Variants in MMP16 observed in about 807,000 individuals in gnomAD.
MMP16 encodes the protein matrix metallopeptidase 16, also known as matrix metalloproteinase-16.
In MMP16, 12 loss-of-function variants were observed where a neutral mutation model predicts 67.8. The observed-to-expected ratio is 0.18, with a 90% CI of 0.11 to 0.29. The LOEUF is 0.29. Among genes scored for constraint, MMP16 ranks in the 10% least tolerant of loss-of-function variants. The pLI is 1.00. For missense variants in MMP16, 475 were observed against 765.7 expected, an observed-to-expected ratio of 0.62 and a Z score of 4.48; for synonymous variants, 249 against 255.9, an observed-to-expected ratio of 0.97 and a Z score of 0.26.
At chr8:88,243,991 T>G (rs1393370053) in intron 1 of MMP16, among the ~76,000 whole-genome samples, 2 of 152,294 alleles carry the variant, frequency 1.3e-5, no homozygotes, top group Admixed American at 1.3e-4. Flanking sequence ...GTAAATCAGT[T>G]ACTGGAATTG....
chr8:88,172,074 C>T (rs546895978), intron 3 of MMP16, among the ~76,000 whole-genome samples: 47 of 152,246 alleles, frequency 3.1e-4, no homozygotes, highest in Non-Finnish European at 5.0e-4. Flanking sequence ...TCGCCTTGGC[C>T]TCCAAAGTGC....
chr8:88,302,549 A>G (rs1202108299), intron 1 of MMP16, among the ~76,000 whole-genome samples: 2 of 152,204 alleles, frequency 1.3e-5, no homozygotes, highest in Admixed American at 1.3e-4. Context: ...ATCACACTTT[A>G]ATCCTAATTT....
chr8:88,092,176 A>C (rs1257393199), intron 6 of MMP16, among the ~76,000 whole-genome samples: 1 of 151,898 alleles, frequency 6.6e-6, no homozygotes, highest in African/African-American at 2.4e-5. Flanking sequence ...TGGTGTAGTC[A>C]GCTGAAATGC....
chr8:88,238,649 G>A (rs1809984221), intron 1 of MMP16, among the ~76,000 whole-genome samples: 1 of 130,620 alleles, frequency 7.7e-6, no homozygotes, highest in African/African-American at 2.9e-5. Context: ...CTGGGCAACT[G>A]TGCAAGACTC....
At position 88,071,137 on chromosome 8, in the gene MMP16, T is replaced by G. The variant is rs573652354; in HGVS notation, c.1222+3468A>C. Among the ~76,000 whole-genome samples the G allele has an allele frequency of 3.9e-5, 6 of 152,212 alleles. No individual in the cohort carries two copies. In the East Asian group the frequency reaches 9.7e-4, roughly 24 times the overall value. ...GCCCTAGTTCAAAAAATATCTAAAT[T>G]ACACCAAAATATAAATTTTTAATTG... On this transcript the variant is annotated intron_variant, in intron 7 of 9. Coordinates refer to ENST00000286614, the MANE Select transcript of MMP16 (RefSeq NM_005941.5).
chr8:88,142,516 G>A (rs1415656832), intron 4 of MMP16, among the ~76,000 whole-genome samples: 15 of 151,760 alleles, frequency 9.9e-5, no homozygotes, highest in Non-Finnish European at 1.5e-5. Context: ...TTGAGTGAAA[G>A]TCTTAAAGAT....
At chr8:88,106,876 T>C (rs987606324) in intron 6 of MMP16, among the ~76,000 whole-genome samples, 1 of 151,186 alleles carries the variant, frequency 6.6e-6, no homozygotes, top group African/African-American at 2.4e-5. Flanking sequence ...TTCATAAATA[T>C]TTTCAGCCAT....
chr8:88,327,214 T>C lies in MMP16; in HGVS notation c.-8A>G, dbSNP rs779201263. 5.6e-6 allele frequency: 9 copies of C among 1,613,612 alleles called. No individual in the cohort carries two copies. In the East Asian group the frequency reaches 1.8e-4, roughly 32 times the overall value. On this transcript the variant is annotated 5_prime_UTR_variant, in exon 1 of 10. Transcript: ENST00000286614. Reference sequence around the variant, plus strand: ...GAATGTGAGTAAGATCATAGTGAACTGTGCTTCAATGGATGGACGAGCTCC... The same window carrying C: ...GAATGTGAGTAAGATCATAGTGAACCGTGCTTCAATGGATGGACGAGCTCC...
chr8:88,282,488 A>G (rs1010475153), intron 1 of MMP16, among the ~76,000 whole-genome samples: 6 of 152,226 alleles, frequency 3.9e-5, no homozygotes, highest in Non-Finnish European at 7.3e-5. Flanking sequence ...AAACATATTA[A>G]AAACAAATAA....
At chr8:88,261,976 TG>T in intron 1 of MMP16, among the ~76,000 whole-genome samples, 1 of 152,248 alleles carries the variant, frequency 6.6e-6, no homozygotes, top group African/African-American at 2.4e-5. Context: ...TTAGGTAGAA[TG>T]TTAAGTAAGG....
rs1223241665 is a variant in MMP16 at position 88,116,538 on chromosome 8, G to C, written c.1052C>G (p.Ala351Gly). 1 of 1,613,614 alleles carries C rather than the reference G, an allele frequency of 6.2e-7. No homozygotes were observed. Residue 351 changes from alanine to glycine, a missense_variant, in exon 6 of 10, where the codon GCT (alanine) becomes GGT (glycine). Ala to Gly is a moderately conservative substitution (Grantham distance 60). Around this residue, in one of 5 missense-constraint regions of MMP16, gnomAD observed 195 missense variants for 300.9 expected, o/e 0.65. Transcript: ENST00000286614. ...AACAAACATCTCACGACGAAGAATA[G>C]CTAGAGTGTTAAAGTTCCCATCACA... ...NICDGNFNTL[A>G]ILRREMFVFK...
chr8:88,101,515 C>T (rs1809145127), intron 6 of MMP16, among the ~76,000 whole-genome samples: 1 of 151,862 alleles, frequency 6.6e-6, no homozygotes, highest in Non-Finnish European at 1.5e-5. Context: ...CTTATATCAG[C>T]TCCTTTGGGC....
intron 1 of MMP16, among the ~76,000 whole-genome samples, chr8:88,237,693 G>T (rs2129891028): frequency 6.6e-6 from 1 of 151,304 alleles, no homozygotes; most frequent in Non-Finnish European, 1.5e-5. Context: ...AAAAACAACT[G>T]CATCTTGGGT....
chr8:88,193,915 T>C (rs1179228652), intron 2 of MMP16, among the ~76,000 whole-genome samples: 1 of 151,944 alleles, frequency 6.6e-6, no homozygotes, highest in Non-Finnish European at 1.5e-5. Flanking sequence ...ATATTTTATG[T>C]ATAATACAGA....
intron 1 of MMP16, among the ~76,000 whole-genome samples, chr8:88,258,309 A>G (rs1461692977): frequency 1.3e-5 from 2 of 152,166 alleles, no homozygotes; most frequent in African/African-American, 4.8e-5. Context: ...CTAGTTCTGC[A>G]CTCAGGAGCC....
intron 1 of MMP16, among the ~76,000 whole-genome samples, chr8:88,219,113 C>G (rs1809638667): frequency 6.6e-6 from 1 of 151,254 alleles, no homozygotes; most frequent in Non-Finnish European, 1.5e-5. Flanking sequence ...GGTATATAGA[C>G]TATGATAGAA....
intron 4 of MMP16, among the ~76,000 whole-genome samples, chr8:88,143,054 C>G (rs1441757507): frequency 6.6e-6 from 1 of 152,040 alleles, no homozygotes; most frequent in Non-Finnish European, 1.5e-5. Context: ...AAGATTTTGA[C>G]AGAGCCCATT....
At chr8:88,261,471 C>T (rs1282880729) in intron 1 of MMP16, among the ~76,000 whole-genome samples, 1 of 151,966 alleles carries the variant, frequency 6.6e-6, no homozygotes, top group East Asian at 1.9e-4. Context: ...TAAAATCCCA[C>T]CCTAGCGTTC....
At chr8:88,162,498 G>T (rs577938466) in intron 4 of MMP16, among the ~76,000 whole-genome samples, 3 of 151,938 alleles carry the variant, frequency 2.0e-5, no homozygotes, top group Non-Finnish European at 2.9e-5. Context: ...TTACTTTAAG[G>T]ATGAGTTAAA....
Sources: gnomAD v4.1 joint callset for allele counts (sites outside exome capture counted in the v4.1 genomes callset) on GRCh38, gnomAD v4.1.1 for gene constraint, gnomAD v4.1.1 regional missense constraint, MANE v1.5 for transcripts, NCBI Gene and HGNC (gene_info 2026-07-23, HGNC 2026-07-21) for gene names.